MEI4: variants seen among roughly 807,000 people sequenced by gnomAD.
MEI4 encodes meiotic double-stranded break formation protein 4.
In MEI4, 27 loss-of-function variants were observed where a neutral mutation model predicts 31.4. The observed-to-expected ratio is 0.86, with a 90% CI of 0.63 to 1.19. The LOEUF is 1.19. MEI4 is among the 50% of genes most tolerant of loss of function. The pLI, the probability that MEI4 is intolerant of heterozygous loss-of-function variation, is 0.00. For missense variants in MEI4, 329 were observed against 398.9 expected (o/e 0.82, Z 1.49); for synonymous variants, 122 against 145.4 (o/e 0.84, Z 1.16).
chr6:77,875,302 A>T (rs947753351), intron 4 of MEI4, among the ~76,000 whole-genome samples: 1 of 152,230 alleles, frequency 6.6e-6, no homozygotes, highest in Non-Finnish European at 1.5e-5. Context: ...CCTACAAAGC[A>T]CATACTACAT....
At chr6:77,714,945 G>C (rs1766546458) in intron 2 of MEI4, among the ~76,000 whole-genome samples, 1 of 152,118 alleles carries the variant, frequency 6.6e-6, no homozygotes, top group African/African-American at 2.4e-5. Flanking sequence ...TTTTTGCCTT[G>C]CAGTAGAGTC....
intron 3 of MEI4, among the ~76,000 whole-genome samples, chr6:77,811,102 AGAT>A (rs926162902): frequency 2.0e-5 from 3 of 152,210 alleles, no homozygotes; most frequent in African/African-American, 7.2e-5. Flanking sequence ...CATTGTTTGT[AGAT>A]GATCTCCAGT....
chr6:77,895,426 C>G (rs1336268533), intron 4 of MEI4, among the ~76,000 whole-genome samples: 1 of 152,092 alleles, frequency 6.6e-6, no homozygotes, highest in Admixed American at 6.6e-5. Flanking sequence ...TGGTAGCAGC[C>G]AAACAGACAT....
At chr6:77,672,142 C>T (rs1378772209) in intron 1 of MEI4, among the ~76,000 whole-genome samples, 1 of 152,010 alleles carries the variant, frequency 6.6e-6, no homozygotes, top group African/African-American at 2.4e-5. Flanking sequence ...AATTTTCTCA[C>T]AGCAAAAAAG....
Position 77,744,013 on chromosome 6 carries a change from C to T in MEI4, c.233-17117C>T, listed in dbSNP as rs559424944. ...CCAAAAGTAGATAAAACCACAAAGACGGAGAAAAAACAGAGCAGAAAAACT... is the reference window on the plus strand; with the variant it reads ...CCAAAAGTAGATAAAACCACAAAGATGGAGAAAAAACAGAGCAGAAAAACT... On this transcript the variant is annotated intron_variant, in intron 2 of 4. Transcript: ENST00000684080. Among the ~76,000 whole-genome samples, 228 of 151,604 alleles carry T rather than the reference C, an allele frequency of 1.5e-3. 2 individuals carry two copies. Among genetic ancestry groups the T allele is most frequent in the African/African-American group, 4.8e-3 (198 of 41,306 alleles).
At chr6:77,863,348 CG>C in intron 4 of MEI4, among the ~76,000 whole-genome samples, 1 of 150,836 alleles carries the variant, frequency 6.6e-6, no homozygotes, top group East Asian at 2.0e-4. Context: ...AAAAATTAGA[CG>C]AATGGCTAAC....
chr6:77,783,912 T>C (rs1468455053), intron 3 of MEI4, among the ~76,000 whole-genome samples: 1 of 151,062 alleles, frequency 6.6e-6, no homozygotes, highest in Non-Finnish European at 1.5e-5. Flanking sequence ...GATACGTTCC[T>C]TGGAGAATAA....
At chr6:77,672,556 T>A (rs1372727455) in intron 1 of MEI4, among the ~76,000 whole-genome samples, 2 of 152,220 alleles carry the variant, frequency 1.3e-5, no homozygotes, top group Non-Finnish European at 2.9e-5. Flanking sequence ...TTTGTTTTTT[T>A]TGAGATGGAA....
chr6:77,747,953 A>G (rs143390642), intron 2 of MEI4, among the ~76,000 whole-genome samples: 1 of 152,336 alleles, frequency 6.6e-6, no homozygotes, highest in Non-Finnish European at 1.5e-5. Flanking sequence ...GCCCCATGCA[A>G]GTGCAGAATC....
intron 4 of MEI4, among the ~76,000 whole-genome samples, chr6:77,852,086 C>G (rs1200305912): frequency 6.6e-6 from 1 of 152,040 alleles, no homozygotes; most frequent in East Asian, 1.9e-4. Context: ...TGTTTCCTTT[C>G]TGTAGAAATA....
At chr6:77,706,287 G>A (rs1766332118) in intron 2 of MEI4, among the ~76,000 whole-genome samples, 1 of 152,160 alleles carries the variant, frequency 6.6e-6, no homozygotes, top group Admixed American at 6.5e-5. Flanking sequence ...CATTTCAGAA[G>A]GGGTCCTTCC....
chr6:77,873,078 T>C (rs1771239106), intron 4 of MEI4, among the ~76,000 whole-genome samples: 1 of 151,998 alleles, frequency 6.6e-6, no homozygotes, highest in Admixed American at 6.6e-5. Context: ...TGATTTATAG[T>C]CTTTTATAGC....
intron 4 of MEI4, among the ~76,000 whole-genome samples, chr6:77,889,826 C>T (rs939010997): frequency 1.3e-5 from 2 of 152,216 alleles, no homozygotes; most frequent in Admixed American, 1.3e-4. Context: ...GCTGCTTTAG[C>T]TCTAGCTGCG....
chr6:77,783,175 T>A (rs944728754), intron 3 of MEI4, among the ~76,000 whole-genome samples: 2 of 152,144 alleles, frequency 1.3e-5, no homozygotes, highest in African/African-American at 4.8e-5. Flanking sequence ...TTCCTGGCAA[T>A]CACAAATCCA....
intron 4 of MEI4, among the ~76,000 whole-genome samples, chr6:77,901,010 G>A (rs868698046): frequency 3.3e-5 from 5 of 151,568 alleles, no homozygotes; most frequent in Middle Eastern, 3.4e-3. Context: ...AATGTCCTTG[G>A]GTTCATCCAT....
In MEI4 at chr6:77,925,249, T is replaced by C. The variant is rs981408361; in HGVS notation, c.*1903T>C. 6.6e-6 allele frequency: 1 copy of C among 151,868 alleles called. No homozygotes were observed. The highest frequency in any genetic ancestry group is 6.6e-5 in the Admixed American group (1 of 15,166). 9.4% of individuals were successfully genotyped at this position (151,868 alleles called of 1,614,324 possible). The stretch of plus-strand genomic sequence containing the variant: ...GGTCTGAAAATTAGCCTAGGAAATA[T>C]ATTTATTATAAAAGAAGATGCAAGA... On this transcript the variant is annotated 3_prime_UTR_variant, in exon 5 of 5. Transcript: ENST00000684080.
At chr6:77,885,961 T>C (rs1467191297) in intron 4 of MEI4, among the ~76,000 whole-genome samples, 6 of 152,196 alleles carry the variant, frequency 3.9e-5, no homozygotes, top group Non-Finnish European at 2.9e-5. Context: ...GTATCTTGTT[T>C]ATTGATTTGT....
At chr6:77,765,985 A>T (rs939949092) in intron 3 of MEI4, among the ~76,000 whole-genome samples, 7 of 152,142 alleles carry the variant, frequency 4.6e-5, no homozygotes, top group Non-Finnish European at 7.3e-5. Context: ...AACAATAAGA[A>T]CACATGGACA....
chr6:77,919,176 C>A (rs1356318201), intron 4 of MEI4, among the ~76,000 whole-genome samples: 1 of 151,974 alleles, frequency 6.6e-6, no homozygotes, highest in Non-Finnish European at 1.5e-5. Context: ...ACTCTCCACC[C>A]CAAATCAACA....
Sources: gnomAD v4.1 joint callset for allele counts (sites outside exome capture counted in the v4.1 genomes callset) on GRCh38, gnomAD v4.1.1 for gene constraint, MANE v1.5 for transcripts, NCBI Gene and HGNC (gene_info 2026-07-23, HGNC 2026-07-21) for gene names.